Variants in USP32 observed in about 807,000 individuals in gnomAD.
USP32 encodes ubiquitin carboxyl-terminal hydrolase 32.
USP32 carries 59 observed loss-of-function variants against 204.8 expected under a neutral mutation model. That is an observed-to-expected ratio of 0.29 (90% confidence interval 0.23 to 0.36). USP32 has a LOEUF of 0.36. Ranked by LOEUF, USP32 falls within the 10% of genes least tolerant of loss-of-function variation. The pLI, the probability that USP32 is intolerant of heterozygous loss-of-function variation, is 1.00. For missense variants in USP32, 1,160 were observed against 1,946.4 expected (o/e 0.60, Z 7.60); for synonymous variants, 517 against 678.4 (o/e 0.76, Z 3.70).
intron 15 of USP32, among the ~76,000 whole-genome samples, chr17:60,220,528 T>C (rs375134848): frequency 6.6e-6 from 1 of 151,690 alleles, no homozygotes; most frequent in Non-Finnish European, 1.5e-5. Context: ...TTAAGTAGTT[T>C]TAACCTGCTT....
intron 1 of USP32, among the ~76,000 whole-genome samples, chr17:60,369,615 C>T (rs2089398306): frequency 6.6e-6 from 1 of 151,916 alleles, no homozygotes; most frequent in Non-Finnish European, 1.5e-5. Context: ...CTGACATATA[C>T]AAAATTTTAA....
rs556140074 is a variant in USP32 at position 60,341,117 on chromosome 17, T to G, written c.186+4364A>C. Among the ~76,000 whole-genome samples the G allele has an allele frequency of 3.9e-5, 6 of 152,310 alleles. No homozygotes were observed. In the South Asian group the frequency reaches 1.2e-3, roughly 32 times the overall value. ...TGCCCTTAACATTTTTTCCTTCATT[T>G]CAACCTTAGTGAATCTGACAACTAT... On this transcript the variant is annotated intron_variant, in intron 2 of 33. Coordinates refer to ENST00000300896, the MANE Select transcript of USP32 (RefSeq NM_032582.4).
chr17:60,320,722 C>T (rs1341857437), intron 2 of USP32, among the ~76,000 whole-genome samples: 1 of 152,140 alleles, frequency 6.6e-6, no homozygotes, highest in Non-Finnish European at 1.5e-5. Flanking sequence ...TTATATAAAC[C>T]TATTTAGTAA....
At chr17:60,378,673 GA>G (rs572980099) in intron 1 of USP32, among the ~76,000 whole-genome samples, 7 of 152,188 alleles carry the variant, frequency 4.6e-5, no homozygotes, top group African/African-American at 1.7e-4. Context: ...TATCCTAAGT[GA>G]AATAAGAAAG....
chr17:60,209,320 G>C lies in USP32; in HGVS notation c.2598+50C>G, dbSNP rs577978058. On this transcript the variant is annotated intron_variant, in intron 22 of 33. Coordinates refer to ENST00000300896, the MANE Select transcript of USP32 (RefSeq NM_032582.4). ...TTAAGTTGTGCTACATGTATTTGTG[G>C]CCAGAACATTTTGTCTATTGCTTAC... 4.8e-4 allele frequency: 472 copies of C among 984,552 alleles called. 3 individuals are homozygous for C. In the East Asian group the frequency reaches 9.8e-3, roughly 20 times the overall value. The allele number at this position is 984,552 out of a possible 1,614,324, so 61.0% of individuals were successfully genotyped here.
chr17:60,401,940 G>C (rs866255399), intron 1 of USP32, among the ~76,000 whole-genome samples: 8 of 152,090 alleles, frequency 5.3e-5, no homozygotes, highest in Admixed American at 4.6e-4. Context: ...CCCCCACTGA[G>C]ACAAACTCTC....
chr17:60,334,516 C>A (rs935265001), intron 2 of USP32, among the ~76,000 whole-genome samples: 1 of 151,660 alleles, frequency 6.6e-6, no homozygotes, highest in Admixed American at 6.6e-5. Context: ...ATAAGTGAAA[C>A]CTCGTCTCTA....
chr17:60,367,716 G>A (rs2089345429), intron 1 of USP32, among the ~76,000 whole-genome samples: 1 of 152,170 alleles, frequency 6.6e-6, no homozygotes, highest in South Asian at 2.1e-4. Context: ...GTTGGGGCAT[G>A]AGAATCACTT....
rs754263544 is a variant in USP32 at position 60,269,478 on chromosome 17, G to A, written c.783C>T (p.Cys261=). The A allele has an allele frequency of 2.5e-6, 4 of 1,609,884 alleles. No individual in the cohort carries two copies. Among genetic ancestry groups the A allele is most frequent in the Admixed American group, 1.7e-5 (1 of 58,966 alleles). Residue 261 remains cysteine (C), a synonymous_variant, in exon 7 of 34, where the codon TGC becomes TGT. Coordinates refer to ENST00000300896, the MANE Select transcript of USP32 (RefSeq NM_032582.4). ...TTTGTCTTTCAGCCAGGGGTCCCCT[G>A]CAACAGGCTGATAACCCACAGGATA... The part of the protein sequence containing the change: ...KEISCGLSAC[C]RGPLAERQKF...
At chr17:60,323,113 A>G (rs2088151947) in intron 2 of USP32, among the ~76,000 whole-genome samples, 1 of 152,220 alleles carries the variant, frequency 6.6e-6, no homozygotes, top group Admixed American at 6.5e-5. Context: ...TTAAATGAAG[A>G]GTTCCATATG....
At chr17:60,183,127 T>A (rs778884186) in intron 31 of USP32, 38 bp downstream of exon 31, 1 of 1,552,434 alleles carries the variant, frequency 6.4e-7, no homozygotes, top group Non-Finnish European at 8.7e-7. Flanking sequence ...CCTACAGGAG[T>A]CCCAAGAAAG....
At chr17:60,271,618 C>A in intron 5 of USP32, 137 bp from the exon 6 acceptor site, 3 of 851,800 alleles carry the variant, frequency 3.5e-6, no homozygotes, top group South Asian at 3.3e-5. Context: ...CGACCAAAAA[C>A]AAAACTGAAA....
intron 1 of USP32, among the ~76,000 whole-genome samples, chr17:60,419,407 A>C (rs1206484116): frequency 6.6e-6 from 1 of 152,126 alleles, no homozygotes; most frequent in Non-Finnish European, 1.5e-5. Flanking sequence ...AAAAATAACT[A>C]ATGGGTACTA....
chr17:60,268,731 C>G (rs2086660257), intron 7 of USP32, among the ~76,000 whole-genome samples: 1 of 151,838 alleles, frequency 6.6e-6, no homozygotes, highest in Non-Finnish European at 1.5e-5. Flanking sequence ...ATTTCATATA[C>G]CTTCATAATA....
chr17:60,252,510 C>T, intron 10 of USP32, 68 bp from the exon 11 acceptor site: 1 of 1,187,402 alleles, frequency 8.4e-7, no homozygotes, highest in Non-Finnish European at 1.2e-6. Flanking sequence ...GCATGAGACC[C>T]ATTTCCTAAA....
intron 1 of USP32, among the ~76,000 whole-genome samples, chr17:60,351,086 A>C (rs2088935266): frequency 6.6e-6 from 1 of 152,142 alleles, no homozygotes; most frequent in Non-Finnish European, 1.5e-5. Context: ...CCATAGCCCC[A>C]AAAGGCTCAG....
chr17:60,242,452 C>G (rs756798275), intron 11 of USP32, among the ~76,000 whole-genome samples: 6 of 152,002 alleles, frequency 3.9e-5, no homozygotes, highest in Non-Finnish European at 8.8e-5. Context: ...TCACCGTCAC[C>G]CAGGCTGGGG....
intron 11 of USP32, among the ~76,000 whole-genome samples, chr17:60,242,055 G>A (rs2145664460): frequency 6.6e-6 from 1 of 152,330 alleles, no homozygotes; most frequent in African/African-American, 2.4e-5. Context: ...ATAGTGTGAG[G>A]TAAGGGGTCT....
intron 5 of USP32, among the ~76,000 whole-genome samples, chr17:60,286,067 C>T (rs1466971008): frequency 4.0e-5 from 6 of 148,390 alleles, no homozygotes; most frequent in Admixed American, 2.7e-4. Context: ...ATCCAGGAGG[C>T]GGAGGCTGCA....
Sources: allele counts gnomAD v4.1 joint callset (sites outside exome capture counted in the v4.1 genomes callset), GRCh38; gene constraint gnomAD v4.1.1; transcripts MANE v1.5; gene names NCBI Gene and HGNC (gene_info 2026-07-23, HGNC 2026-07-21).